Variants in GAS2 observed in about 807,000 individuals in gnomAD.
GAS2 encodes the protein growth arrest specific 2.
A neutral mutation model predicts 37.5 loss-of-function variants in GAS2; 20 were observed. The observed-to-expected ratio is 0.53, with a 90% confidence interval of 0.37 to 0.77. The LOEUF (loss-of-function observed/expected upper bound fraction) is 0.77, where lower values mean the gene tolerates loss of function less well. GAS2 is among the 30% of genes least tolerant of loss of function. GAS2 has a pLI of 0.00. For synonymous variants in GAS2, 144 were observed against 132.2 expected, an observed-to-expected ratio of 1.09 and a Z score of -0.61; for missense variants, 336 against 373.4, an observed-to-expected ratio of 0.90 and a Z score of 0.82.
chr11:22,784,944 C>T (rs973456991), intron 7 of GAS2, among the ~76,000 whole-genome samples: 1 of 152,100 alleles, frequency 6.6e-6, no homozygotes, highest in African/African-American at 2.4e-5. Flanking sequence ...ACAGAAGGTT[C>T]CAGTAAACCT....
At chr11:22,737,887 C>A in intron 5 of GAS2, 119 bp downstream of exon 5, 1 of 876,284 alleles carries the variant, frequency 1.1e-6, no homozygotes, top group South Asian at 1.4e-5. Flanking sequence ...GCTACTCATT[C>A]ACGATGATAA....
intron 1 of GAS2, among the ~76,000 whole-genome samples, chr11:22,637,918 TAAAC>T (rs1206557774): frequency 6.6e-6 from 1 of 151,630 alleles, no homozygotes; most frequent in Non-Finnish European, 1.5e-5. Context: ...AGACAGACCT[TAAAC>T]AAAACCTGTT....
intron 7 of GAS2, among the ~76,000 whole-genome samples, chr11:22,801,144 C>T (rs113097233): frequency 1.5e-4 from 23 of 152,096 alleles, no homozygotes; most frequent in African/African-American, 5.1e-4. Context: ...TTCTTACCTC[C>T]ATATAATGTG....
At chr11:22,804,123 A>G (rs752006600) in intron 7 of GAS2, among the ~76,000 whole-genome samples, 42 of 152,154 alleles carry the variant, frequency 2.8e-4, no homozygotes, top group Non-Finnish European at 2.9e-5. Flanking sequence ...TCAGGGAAGA[A>G]GCAAGGGCTA....
At chr11:22,696,039 C>A (rs1304579815) in intron 3 of GAS2, among the ~76,000 whole-genome samples, 2 of 151,158 alleles carry the variant, frequency 1.3e-5, no homozygotes, top group African/African-American at 4.9e-5. Context: ...TGTGCTGCAC[C>A]CATTAACTCG....
chr11:22,674,795 C>T, intron 1 of GAS2, 55 bp from the exon 2 acceptor site: 1 of 1,366,050 alleles, frequency 7.3e-7, no homozygotes, highest in Non-Finnish European at 1.0e-6. Context: ...ATGATGACAA[C>T]ATTTTGTGAG....
At chr11:22,636,729 T>C (rs1213110644) in intron 1 of GAS2, among the ~76,000 whole-genome samples, 2 of 151,800 alleles carry the variant, frequency 1.3e-5, no homozygotes, top group African/African-American at 4.8e-5. Flanking sequence ...AGATGAACAT[T>C]AATTAATTTT....
intron 7 of GAS2, among the ~76,000 whole-genome samples, chr11:22,798,481 T>G (rs1484755486): frequency 1.3e-5 from 2 of 152,066 alleles, no homozygotes; most frequent in African/African-American, 4.8e-5. Flanking sequence ...GCTTCTGCTC[T>G]GTTTACTGTT....
intron 7 of GAS2, among the ~76,000 whole-genome samples, chr11:22,772,964 A>G (rs1263931668): frequency 6.6e-6 from 1 of 152,144 alleles, no homozygotes; most frequent in East Asian, 1.9e-4. Context: ...GTCCTAGAAT[A>G]AAGAGAGGGG....
intron 7 of GAS2, among the ~76,000 whole-genome samples, chr11:22,807,625 T>G (rs1222651470): frequency 1.3e-5 from 2 of 152,182 alleles, no homozygotes; most frequent in Non-Finnish European, 2.9e-5. Context: ...TTTGTCCTAT[T>G]GCTCTCTGCG....
At chr11:22,661,464 T>C (rs1565070485) in intron 1 of GAS2, among the ~76,000 whole-genome samples, 1 of 152,124 alleles carries the variant, frequency 6.6e-6, no homozygotes, top group Non-Finnish European at 1.5e-5. Context: ...GATAGATGCA[T>C]AAACAAATAA....
upstream of GAS2, among the ~76,000 whole-genome samples, chr11:22,664,600 A>AT (rs1848953746): frequency 6.6e-6 from 1 of 152,142 alleles, no homozygotes. Flanking sequence ...CTTCCTTTGC[A>AT]TTCACATTAG....
intron 3 of GAS2, among the ~76,000 whole-genome samples, chr11:22,706,800 T>C: frequency 6.6e-6 from 1 of 152,032 alleles, no homozygotes; most frequent in African/African-American, 2.4e-5. Context: ...AACATATGTG[T>C]GCATGTGTCT....
intron 3 of GAS2, among the ~76,000 whole-genome samples, chr11:22,694,294 T>C (rs1170198936): frequency 1.3e-5 from 2 of 152,172 alleles, no homozygotes; most frequent in African/African-American, 4.8e-5. Context: ...CCTCTCCAGA[T>C]TGTATTCTGT....
intron 7 of GAS2, among the ~76,000 whole-genome samples, chr11:22,807,300 T>G (rs1191436384): frequency 6.6e-6 from 1 of 152,184 alleles, no homozygotes; most frequent in East Asian, 1.9e-4. Flanking sequence ...AGGAGAAATC[T>G]TCCAAGAGAA....
chr11:22,746,300 G>A (rs1391092688), intron 5 of GAS2, among the ~76,000 whole-genome samples: 1 of 152,180 alleles, frequency 6.6e-6, no homozygotes, highest in Admixed American at 6.5e-5. Flanking sequence ...GAGGAAAGCA[G>A]TTTGGAGATT....
intron 1 of GAS2, among the ~76,000 whole-genome samples, chr11:22,638,335 GTTA>G (rs2133814241): frequency 6.6e-6 from 1 of 151,036 alleles, no homozygotes; most frequent in South Asian, 2.1e-4. Flanking sequence ...AAGTTTTGTT[GTTA>G]TTATTACAAT....
intron 1 of GAS2, among the ~76,000 whole-genome samples, chr11:22,638,663 A>T (rs188008974): frequency 6.6e-6 from 1 of 152,292 alleles, no homozygotes; most frequent in African/African-American, 2.4e-5. Context: ...ATTTTAAGAT[A>T]TGCAAGAAAT....
chr11:22,807,325 T>C (rs1388710290), intron 7 of GAS2, among the ~76,000 whole-genome samples: 1 of 152,222 alleles, frequency 6.6e-6, no homozygotes, highest in Non-Finnish European at 1.5e-5. Context: ...ACCTCTGATA[T>C]CTGATTTTAC....
Sources: gnomAD v4.1 joint callset for allele counts (sites outside exome capture counted in the v4.1 genomes callset) on GRCh38, gnomAD v4.1.1 for gene constraint, MANE v1.5 for transcripts, NCBI Gene and HGNC (gene_info 2026-07-23, HGNC 2026-07-21) for gene names.